The following DPP3 variants were observed in gnomAD, a reference collection of about 807,000 sequenced individuals.
The protein encoded by DPP3 is dipeptidyl peptidase 3.
DPP3 carries 64 observed loss-of-function variants against 89.8 expected under a neutral mutation model. The ratio of observed to expected loss-of-function variants is 0.71; its 90% CI spans 0.58 to 0.88. The LOEUF is 0.88. Ranked by LOEUF, DPP3 falls within the 40% of genes least tolerant of loss-of-function variation. The pLI is 0.00. For missense variants in DPP3, 835 were observed against 972.5 expected (o/e 0.86, Z 1.88); for synonymous variants, 377 against 404.3 (o/e 0.93, Z 0.81).
chr11:66,507,886 A>G (rs1451735410), intron 17 of DPP3, among the ~76,000 whole-genome samples: 1 of 152,060 alleles, frequency 6.6e-6, no homozygotes, highest in East Asian at 1.9e-4. Flanking sequence ...CATGTTGGCC[A>G]GGCTAATCTC....
intron 12 of DPP3, 125 bp from the exon 13 acceptor site, chr11:66,495,081 C>T (rs762522353): frequency 1.3e-5 from 18 of 1,374,220 alleles, no homozygotes; most frequent in Non-Finnish European, 1.5e-5. Flanking sequence ...AGACCTGCTG[C>T]TCCCGCCGCC....
In DPP3 at chr11:66,504,683, GC is replaced by G. The variant is rs772006461; in HGVS notation, c.1956del (p.Glu653SerfsTer179). On this transcript the variant is annotated frameshift_variant, in exon 17 of 18. Transcript: ENST00000531863. LOFTEE classifies it high-confidence loss of function. ...YEGYATVTDA[P>X]PECFLTLRDT... ...AGGGGTATGCAACAGTCACTGATGC[GC>G]CCCCCGAGTGCTTCCTCACCCTCAG... 1.9e-6 allele frequency: 3 copies of G among 1,612,846 alleles called. No homozygotes were observed. Among genetic ancestry groups the G allele is most frequent in the Non-Finnish European group, 2.5e-6 (3 of 1,179,712 alleles).
rs1855456554 is a variant in DPP3, at chr11:66,493,633, G to C, written c.1389G>C (p.Gln463His). ...LGHGSGKLFV[Q>H]DEKGAFNFDQ... ...ATGGCAGTGGCAAGCTCTTCGTACA[G>C]GTGAGAAGGCAGTGGCCAGCCCTGG... The change falls in exon 12 of 18, where the codon CAG becomes CAC. Residue 463 changes from glutamine (Q) to histidine (H), a missense_variant and splice_region_variant. By Grantham distance (24) the Gln-to-His change is conservative. Coordinates refer to ENST00000531863, the MANE Select transcript of DPP3 (RefSeq NM_130443.4). 2 of 1,609,902 alleles carry C rather than the reference G, an allele frequency of 1.2e-6. No individual in the cohort carries two copies. The highest frequency in any genetic ancestry group is 2.2e-5 in the East Asian group (1 of 44,752).
In DPP3 at chr11:66,490,478, C is replaced by G. The variant is rs11828372; in HGVS notation, c.668-775C>G. ...GGCTGTCCAGCCCCCCAACTTCACT[C>G]CAGCTCCCCTCTGCTATCGTCACAG... On this transcript the variant is annotated intron_variant, in intron 6 of 17. Coordinates refer to ENST00000531863, the MANE Select transcript of DPP3 (RefSeq NM_130443.4). 5.5e-3 allele frequency among the ~76,000 whole-genome samples: 833 copies of G among 152,302 alleles called. 7 individuals carry two copies. Among genetic ancestry groups the G allele is most frequent in the African/African-American group, 0.019 (800 of 41,554 alleles).
chr11:66,487,418 C>A, intron 5 of DPP3, 76 bp downstream of exon 5: 1 of 1,457,790 alleles, frequency 6.9e-7, no homozygotes, highest in Non-Finnish European at 9.6e-7. Flanking sequence ...AACTGGTGAC[C>A]ACTCCTGGGT....
chr11:66,507,559 AGAG>A (rs1167250791), intron 17 of DPP3, among the ~76,000 whole-genome samples: 2 of 152,162 alleles, frequency 1.3e-5, no homozygotes, highest in East Asian at 3.8e-4. Context: ...CTGAACACTT[AGAG>A]GAGGGAAGAT....
At chr11:66,494,207 GGAAACACA>G (rs1435877086) in intron 12 of DPP3, among the ~76,000 whole-genome samples, 1 of 152,150 alleles carries the variant, frequency 6.6e-6, no homozygotes, top group African/African-American at 2.4e-5. Context: ...CAGGGAATAT[GGAAACACA>G]GACAGTCATT....
Position 66,493,102 on chromosome 11 carries a change from G to A in DPP3, c.1219G>A (p.Val407Met), listed in dbSNP as rs1452287363. Residue 407 changes from valine (V) to methionine (M), a missense_variant, in exon 11 of 18, where the codon GTG (valine) becomes ATG (methionine). Val to Met is a conservative substitution (Grantham distance 21). Coordinates refer to ENST00000531863, the MANE Select transcript of DPP3 (RefSeq NM_130443.4). ...DLRQTEGFKNVSLGNVLAVAY... is the reference protein window; with the variant it reads ...DLRQTEGFKNMSLGNVLAVAY... ...GAGGCAGACGGAAGGCTTTAAGAACGTGTCGCTGGGGAATGTGCTGGCTGT... is the reference window on the plus strand; with the variant it reads ...GAGGCAGACGGAAGGCTTTAAGAACATGTCGCTGGGGAATGTGCTGGCTGT... 7.4e-6 allele frequency: 12 copies of A among 1,614,186 alleles called. No individual in the cohort carries two copies. The highest frequency in any genetic ancestry group is 4.5e-5 in the East Asian group (2 of 44,894).
chr11:66,482,747 G>A (rs1239855209), intron 2 of DPP3, among the ~76,000 whole-genome samples: 1 of 152,250 alleles, frequency 6.6e-6, no homozygotes, highest in Non-Finnish European at 1.5e-5. Flanking sequence ...CTGTGGTGGA[G>A]ATTCAGGGAA....
In DPP3 at chr11:66,482,470, G is replaced by C. The variant is rs1441518655; in HGVS notation, c.270G>C (p.Gln90His). The C allele has an allele frequency of 1.9e-6, 3 of 1,602,634 alleles. No homozygotes were observed. The highest frequency in any genetic ancestry group is 4.5e-5 in the East Asian group (2 of 44,820). Residue 90 changes from glutamine to histidine, a missense_variant and splice_region_variant, in exon 2 of 18, where the codon CAG becomes CAC. Coordinates refer to ENST00000531863, the MANE Select transcript of DPP3 (RefSeq NM_130443.4). The stretch of plus-strand genomic sequence containing the variant: ...AAGGCCTTACCGAGGAGGAGTATCA[G>C]GTCAGTTCTCTTGGGCCAACCCACA... ...LAEGLTEEEYQAFLVYAAGVY... is the reference protein window; with the variant it reads ...LAEGLTEEEYHAFLVYAAGVY...
intron 16 of DPP3, among the ~76,000 whole-genome samples, chr11:66,499,605 A>G (rs1009380123): frequency 6.6e-6 from 1 of 150,494 alleles, no homozygotes; most frequent in Non-Finnish European, 1.5e-5. Context: ...CCCTATCTCT[A>G]CTAAAAATAC....
chr11:66,495,886 C>T (rs1855524389), intron 15 of DPP3, 136 bp downstream of exon 15: 3 of 1,392,122 alleles, frequency 2.2e-6, no homozygotes, highest in Admixed American at 2.3e-5. Context: ...GTTTGGGAGG[C>T]AAGTCACATC....
Position 66,486,646 on chromosome 11 carries a change from C to A in DPP3, c.467C>A (p.Pro156Gln). ...TCGELMFSLE[P>Q]RLRHLGLGKE... ...GGGGAGCTTATGTTCTCTCTGGAGC[C>A]AAGGCTTCGACACCTCGGACTGGGG... Residue 156 changes from proline to glutamine, a missense_variant, in exon 4 of 18, where the codon CCA (proline) becomes CAA (glutamine). By Grantham distance (76) the Pro-to-Gln change is moderately conservative. Coordinates refer to ENST00000531863, the MANE Select transcript of DPP3 (RefSeq NM_130443.4). The A allele has an allele frequency of 6.4e-7, 1 of 1,571,890 alleles. No homozygotes were observed. Among genetic ancestry groups the A allele is most frequent in the Non-Finnish European group, 8.6e-7 (1 of 1,158,186 alleles).
intron 16 of DPP3, among the ~76,000 whole-genome samples, chr11:66,503,072 G>A (rs372167245): frequency 3.0e-4 from 45 of 152,060 alleles, no homozygotes; most frequent in African/African-American, 1.1e-3. Context: ...GGGTTCAAGC[G>A]ATTCTCCCAC....
intron 15 of DPP3, among the ~76,000 whole-genome samples, chr11:66,497,021 T>A (rs1590742257): frequency 6.6e-6 from 1 of 152,126 alleles, no homozygotes; most frequent in South Asian, 2.1e-4. Flanking sequence ...GTGGGTGACA[T>A]GGGGAGCATG....
At chr11:66,497,653 G>A (rs1261781743) in intron 16 of DPP3, among the ~76,000 whole-genome samples, 176 bp downstream of exon 16, 1 of 152,196 alleles carries the variant, frequency 6.6e-6, no homozygotes, top group African/African-American at 2.4e-5. Flanking sequence ...CACTGTGGGA[G>A]GCCAAGGAGG....
At chr11:66,506,151 T>C (rs951125238) in intron 17 of DPP3, among the ~76,000 whole-genome samples, 1 of 152,054 alleles carries the variant, frequency 6.6e-6, no homozygotes, top group African/African-American at 2.4e-5. Flanking sequence ...GGGGTTTTAC[T>C]ATGTTGGCTA....
In DPP3 at chr11:66,491,335, C is replaced by T; in HGVS notation, c.750C>T (p.Asp250=). ...RGSPFQVTRG[D]YAPILQKVVE... ...GCCCTTTCCAGGTGACCCGGGGGGA[C>T]TACGCGCCCATCCTCCAGAAGGTGG... Residue 250 remains aspartate, a synonymous_variant, in exon 7 of 18, where the codon GAC becomes GAT. Coordinates refer to ENST00000531863, the MANE Select transcript of DPP3 (RefSeq NM_130443.4). 1.9e-6 allele frequency: 3 copies of T among 1,614,022 alleles called. No homozygotes were observed. The highest frequency in any genetic ancestry group is 2.5e-6 in the Non-Finnish European group (3 of 1,180,018).
intron 6 of DPP3, among the ~76,000 whole-genome samples, chr11:66,489,062 C>T (rs991020098): frequency 2.0e-5 from 3 of 152,148 alleles, no homozygotes; most frequent in African/African-American, 2.4e-5. Context: ...GATGAGATTT[C>T]GCCATTTGGC....
Sources: allele counts gnomAD v4.1 joint callset (sites outside exome capture counted in the v4.1 genomes callset), GRCh38; gene constraint gnomAD v4.1.1; transcripts MANE v1.5; gene names NCBI Gene and HGNC (gene_info 2026-07-23, HGNC 2026-07-21).